The following CDH5 variants were observed in gnomAD, a reference collection of about 807,000 sequenced individuals.
CDH5 encodes cadherin-5.
CDH5 carries 28 observed loss-of-function variants against 62.0 expected under a neutral mutation model. The observed-to-expected ratio is 0.45, with a 90% confidence interval of 0.33 to 0.62. The LOEUF is 0.62. Ranked by LOEUF, CDH5 falls within the 20% of genes least tolerant of loss-of-function variation. The probability of loss-of-function intolerance (pLI) is 0.02; values close to 1 mark genes in which losing one functional copy is unlikely to be tolerated. For synonymous variants in CDH5, 464 were observed against 445.8 expected (o/e 1.04, Z -0.52); for missense variants, 940 against 1,065.1 (o/e 0.88, Z 1.63).
rs1373893284 is a variant in CDH5, at chr16:66,392,053, C to T, written c.970-83C>T. 6 of 1,542,250 alleles carry T rather than the reference C, an allele frequency of 3.9e-6. No homozygotes were observed. In the East Asian group the frequency reaches 1.1e-4, roughly 29 times the overall value. Reference sequence around the variant, plus strand: ...TAAAATGGGTGTCATCCTGGTACTACCTTGCATAGTTGCTGTGCAGATCAT... The same window carrying T: ...TAAAATGGGTGTCATCCTGGTACTATCTTGCATAGTTGCTGTGCAGATCAT... On this transcript the variant is annotated intron_variant, in intron 6 of 11. Coordinates refer to ENST00000341529, the MANE Select transcript of CDH5 (RefSeq NM_001795.5).
At chr16:66,368,523 A>G (rs1358419663) in intron 1 of CDH5, among the ~76,000 whole-genome samples, 1 of 152,190 alleles carries the variant, frequency 6.6e-6, no homozygotes, top group Non-Finnish European at 1.5e-5. Flanking sequence ...TGGATGATTC[A>G]CTGCTGACTT....
At chr16:66,381,157 A>T (rs1258499257) in intron 2 of CDH5, among the ~76,000 whole-genome samples, 1 of 152,172 alleles carries the variant, frequency 6.6e-6, no homozygotes, top group African/African-American at 2.4e-5. Context: ...TGCCAACTCC[A>T]GTCTAGGCCT....
At chr16:66,385,326 A>G (rs748386204) in intron 2 of CDH5, among the ~76,000 whole-genome samples, 6 of 152,208 alleles carry the variant, frequency 3.9e-5, no homozygotes, top group Non-Finnish European at 8.8e-5. Flanking sequence ...GATGCTTTAC[A>G]TATATTATTT....
At chr16:66,367,771 T>G (rs969541050) in intron 1 of CDH5, among the ~76,000 whole-genome samples, 3 of 152,034 alleles carry the variant, frequency 2.0e-5, no homozygotes, top group Non-Finnish European at 2.9e-5. Context: ...GATCTCGTAC[T>G]CCAAAGCCCC....
In CDH5 at chr16:66,375,810, T is replaced by TA. The variant is rs1367310959; in HGVS notation, c.-19-3496dup. 5.4e-3 allele frequency among the ~76,000 whole-genome samples: 727 copies of TA among 134,012 alleles called. 1 individual carries two copies. Among genetic ancestry groups the TA allele is most frequent in the Non-Finnish European group, 6.1e-3 (378 of 61,908 alleles). 87.9% of individuals were successfully genotyped at this position (134,012 alleles called of 152,430 possible). On this transcript the variant is annotated intron_variant, in intron 1 of 11. Transcript: ENST00000341529. ...AAAAGTAATTGCTGTTGTTGCCGTC[T>TA]AAAAAAAAAAAAAGCCACCGGCTAC...
At position 66,387,018 on chromosome 16, in the gene CDH5, A is replaced by C; in HGVS notation, c.420A>C (p.Lys140Asn). Residue 140 changes from lysine to asparagine, a missense_variant, in exon 3 of 12, where the codon AAA becomes AAC. Coordinates refer to ENST00000341529, the MANE Select transcript of CDH5 (RefSeq NM_001795.5). Reference sequence around the variant, plus strand: ...AGACTCCTTCCAGCTTCACCATCAAAGTTCATGACGTGAACGACAACTGGC... The same window carrying C: ...AGACTCCTTCCAGCTTCACCATCAACGTTCATGACGTGAACGACAACTGGC... ...NLETPSSFTI[K>N]VHDVNDNWPV... 2 of 1,614,186 alleles carry C rather than the reference A, an allele frequency of 1.2e-6. No homozygotes were observed. The highest frequency in any genetic ancestry group is 1.7e-6 in the Non-Finnish European group (2 of 1,180,034).
At chr16:66,402,107 T>C (rs1961293247) in intron 11 of CDH5, among the ~76,000 whole-genome samples, 2 of 151,906 alleles carry the variant, frequency 1.3e-5, no homozygotes, top group African/African-American at 4.8e-5. Context: ...AGCAGGGAGG[T>C]CATCATTTCC....
chr16:66,392,929 G>A (rs1961114205), intron 7 of CDH5: 1 of 153,118 alleles, frequency 6.5e-6, no homozygotes, highest in Admixed American at 6.5e-5. Flanking sequence ...TTTATGGTGG[G>A]TTTGTTGTTG....
intron 1 of CDH5, among the ~76,000 whole-genome samples, chr16:66,368,733 C>T (rs1350939061): frequency 6.6e-6 from 1 of 152,154 alleles, no homozygotes; most frequent in Non-Finnish European, 1.5e-5. Context: ...GTCACACAAC[C>T]AACACAAGGT....
In CDH5 at chr16:66,404,099, T is replaced by C. The variant is rs1052679076; in HGVS notation, c.*930T>C. The C allele has an allele frequency of 6.6e-6, 1 of 152,538 alleles. No individual in the cohort carries two copies. Among genetic ancestry groups the C allele is most frequent in the East Asian group, 1.9e-4 (1 of 5,198 alleles). 9.4% of individuals were successfully genotyped at this position (152,538 alleles called of 1,614,324 possible). On this transcript the variant is annotated 3_prime_UTR_variant, in exon 12 of 12. Transcript: ENST00000341529. ...TCTGCCTCACCTGGTCGCCAATCCA[T>C]GCTCTCTTTCTTTTCTCTGTCTACT...
At position 66,397,997 on chromosome 16, in the gene CDH5, A is replaced by G. The variant is rs1278288269; in HGVS notation, c.1376A>G (p.Lys459Arg). ...ELDSTGTPTG[K>R]ESIVQVHIEV... Reference sequence around the variant, plus strand: ...TCCCCTGCAGGAACCCCCACAGGAAAAGAATCCATTGTGCAAGTCCACATT... The same window carrying G: ...TCCCCTGCAGGAACCCCCACAGGAAGAGAATCCATTGTGCAAGTCCACATT... The change falls in exon 9 of 12, where the codon AAA becomes AGA. Residue 459 changes from lysine to arginine, a missense_variant. Lys to Arg is a conservative substitution (Grantham distance 26, BLOSUM62 2). Transcript: ENST00000341529. The G allele has an allele frequency of 6.2e-7, 1 of 1,614,102 alleles. No homozygotes were observed. Among genetic ancestry groups the G allele is most frequent in the Non-Finnish European group, 8.5e-7 (1 of 1,180,050 alleles).
chr16:66,389,147 G>A (rs982593848), intron 4 of CDH5, among the ~76,000 whole-genome samples: 9 of 152,142 alleles, frequency 5.9e-5, no homozygotes, highest in South Asian at 4.1e-4. Context: ...TTCAGGTGGC[G>A]AGGACCAATA....
At chr16:66,388,032 G>C (rs774803143) in intron 3 of CDH5, among the ~76,000 whole-genome samples, 2 of 152,164 alleles carry the variant, frequency 1.3e-5, no homozygotes, top group Non-Finnish European at 2.9e-5. Flanking sequence ...GCTCATTGCT[G>C]TCCTCCATTT....
chr16:66,369,535 A>T (rs1270910640), intron 1 of CDH5, among the ~76,000 whole-genome samples: 3 of 152,204 alleles, frequency 2.0e-5, no homozygotes, highest in Non-Finnish European at 4.4e-5. Context: ...GCAGCTGGGC[A>T]GGTTCAAATA....
chr16:66,390,453 G>A lies in CDH5; in HGVS notation c.832G>A (p.Gly278Ser), dbSNP rs774269605. The change falls in exon 6 of 12, where the codon GGC (glycine) becomes AGC (serine). Residue 278 changes from glycine to serine, a missense_variant. By Grantham distance (56) the Gly-to-Ser change is moderately conservative. Coordinates refer to ENST00000341529, the MANE Select transcript of CDH5 (RefSeq NM_001795.5). ...AGACACCCGTGTGGGCACCTCTGTGGGCTCTCTGTTTGTTGAGGACCCAGA... is the reference window on the plus strand; with the variant it reads ...AGACACCCGTGTGGGCACCTCTGTGAGCTCTCTGTTTGTTGAGGACCCAGA... ...PEDTRVGTSV[G>S]SLFVEDPDEP... 6.2e-7 allele frequency: 1 copy of A among 1,614,032 alleles called. No individual in the cohort carries two copies. Among genetic ancestry groups the A allele is most frequent in the South Asian group, 1.1e-5 (1 of 91,060 alleles).
At chr16:66,398,201 A>AGCCTTGAGGAAAGCCT in intron 9 of CDH5, 95 bp downstream of exon 9, 8 of 1,426,754 alleles carry the variant, frequency 5.6e-6, no homozygotes, top group Middle Eastern at 1.8e-4. Flanking sequence ...GTTCCCCTGT[A>AGCCTTGAGGAAAGCCT]CAATAGCCTT....
chr16:66,375,120 TATTGCTCTTAGGCTCC>T (rs984733254), intron 1 of CDH5, among the ~76,000 whole-genome samples: 1 of 152,200 alleles, frequency 6.6e-6, no homozygotes, highest in African/African-American at 2.4e-5. Flanking sequence ...CGGTACAGTC[TATTGCTCTTAGGCTCC>T]ATACCTGTGC....
intron 7 of CDH5, 139 bp from the exon 8 acceptor site, chr16:66,395,920 G>GTTT: frequency 1.3e-6 from 1 of 762,774 alleles, no homozygotes; most frequent in Non-Finnish European, 2.1e-6. Context: ...TGTCTGAGTG[G>GTTT]CAGAGTGCAA....
intron 7 of CDH5, chr16:66,393,014 C>T (rs181125385): frequency 6.6e-6 from 1 of 152,396 alleles, no homozygotes; most frequent in East Asian, 1.9e-4. Context: ...GATATTTGCT[C>T]TTCTATCTTA....
Sources: allele counts gnomAD v4.1 joint callset (sites outside exome capture counted in the v4.1 genomes callset), GRCh38; gene constraint gnomAD v4.1.1; transcripts MANE v1.5; gene names NCBI Gene and HGNC (gene_info 2026-07-23, HGNC 2026-07-21).